Variants in NTN1 observed in about 807,000 individuals in gnomAD.
NTN1 encodes the protein netrin 1, also known as netrin-1.
In NTN1, 11 loss-of-function variants were observed where a neutral mutation model predicts 54.2. The ratio of observed to expected loss-of-function variants is 0.20; its 90% CI spans 0.13 to 0.34. The LOEUF is 0.34. Ranked by LOEUF, NTN1 falls within the 10% of genes least tolerant of loss-of-function variation. The pLI is 1.00. For synonymous variants in NTN1, 371 were observed against 382.0 expected, an observed-to-expected ratio of 0.97 and a Z score of 0.33; for missense variants, 740 against 893.1, an observed-to-expected ratio of 0.83 and a Z score of 2.18.
At chr17:9,085,828 C>T (rs2092088425) in intron 2 of NTN1, among the ~76,000 whole-genome samples, 1 of 152,126 alleles carries the variant, frequency 6.6e-6, no homozygotes, top group Admixed American at 6.5e-5. Context: ...GGGGATTCAG[C>T]AGAGATCAAA....
rs2092278349 is a variant in NTN1 at position 9,135,580 on chromosome 17, G to A, written c.1019-27233G>A. On this transcript the variant is annotated intron_variant, in intron 2 of 6. Coordinates refer to ENST00000173229, the MANE Select transcript of NTN1 (RefSeq NM_004822.3). This position sits in a 1 kb window ranked among gnomAD's most constrained non-coding sequence, Gnocchi z 4.4. ...GATCCACGCTTCTTGGAGCCCATTGGCTTCCCCTTGAATTGTCACGATGGC... is the reference window on the plus strand; with the variant it reads ...GATCCACGCTTCTTGGAGCCCATTGACTTCCCCTTGAATTGTCACGATGGC... Among the ~76,000 whole-genome samples, 1 of 152,222 alleles carries A rather than the reference G, an allele frequency of 6.6e-6. No homozygotes were observed. The highest frequency in any genetic ancestry group is 6.5e-5 in the Admixed American group (1 of 15,288).
intron 6 of NTN1, among the ~76,000 whole-genome samples, chr17:9,224,953 G>T (rs1276289426): frequency 6.6e-6 from 1 of 152,176 alleles, no homozygotes; most frequent in African/African-American, 2.4e-5. Flanking sequence ...CCTGGGGGTG[G>T]TGTGGTGTTT....
intron 2 of NTN1, 110 bp from the exon 3 acceptor site, chr17:9,162,703 C>T (rs1014333158): frequency 9.8e-7 from 1 of 1,020,492 alleles, no homozygotes; most frequent in African/African-American, 1.6e-5. Context: ...CTGCCTGGCT[C>T]TGCTAGTGGA....
At chr17:9,226,706 A>G (rs1412948254) in intron 6 of NTN1, among the ~76,000 whole-genome samples, 1 of 152,036 alleles carries the variant, frequency 6.6e-6, no homozygotes, top group African/African-American at 2.4e-5. Flanking sequence ...ATTTTCAAGC[A>G]TATTCGCGAT....
chr17:9,227,493 G>T (rs1399018729), intron 6 of NTN1, among the ~76,000 whole-genome samples: 1 of 138,966 alleles, frequency 7.2e-6, no homozygotes, highest in Non-Finnish European at 1.6e-5. Flanking sequence ...ACACACACAT[G>T]CACATACACA....
At chr17:9,150,808 A>C (rs1210076741) in intron 2 of NTN1, among the ~76,000 whole-genome samples, 4 of 151,322 alleles carry the variant, frequency 2.6e-5, no homozygotes, top group Non-Finnish European at 5.9e-5. Flanking sequence ...AAGTCAGTGG[A>C]AAAAATGACG....
chr17:9,119,654 ACACC>A (rs1268017291), intron 2 of NTN1, among the ~76,000 whole-genome samples: 1 of 151,650 alleles, frequency 6.6e-6, no homozygotes, highest in Non-Finnish European at 1.5e-5. Flanking sequence ...ATGCTACACC[ACACC>A]TGGCTAGGTT....
chr17:9,191,235 C>T (rs955816297), intron 5 of NTN1, among the ~76,000 whole-genome samples: 2 of 152,014 alleles, frequency 1.3e-5, no homozygotes, highest in East Asian at 1.9e-4. Flanking sequence ...CCGAGGCAGG[C>T]GGATCATCTG....
At chr17:9,010,464 T>G in the NTN1 span, among the ~76,000 whole-genome samples, 5 of 152,188 alleles carry the variant, frequency 3.3e-5, no homozygotes, top group Non-Finnish European at 5.9e-5. Flanking sequence ...TGAGATGTGG[T>G]CACTTCCCGT....
At chr17:9,147,827 T>C (rs537807909) in intron 2 of NTN1, among the ~76,000 whole-genome samples, 11 of 152,360 alleles carry the variant, frequency 7.2e-5, no homozygotes, top group Admixed American at 7.2e-4. Context: ...ATAGACACTT[T>C]ACTGAGCTCT....
chr17:9,178,386 A>T (rs1333497237), intron 3 of NTN1, among the ~76,000 whole-genome samples: 1 of 152,184 alleles, frequency 6.6e-6, no homozygotes, highest in Non-Finnish European at 1.5e-5. Context: ...TGATTCCAGG[A>T]GGTTTTGCAT....
chr17:9,166,132 C>T (rs1260548337), intron 3 of NTN1, among the ~76,000 whole-genome samples: 2 of 149,616 alleles, frequency 1.3e-5, no homozygotes, highest in East Asian at 4.0e-4. Context: ...AAACAGGGGT[C>T]TCCTGGTCAA....
chr17:9,132,246 G>A (rs2092268025), intron 2 of NTN1, among the ~76,000 whole-genome samples: 1 of 152,036 alleles, frequency 6.6e-6, no homozygotes, highest in Admixed American at 6.6e-5. Context: ...CTGTCACTCT[G>A]TCCACTAACA....
At chr17:9,201,541 T>C (rs1411577962) in intron 5 of NTN1, among the ~76,000 whole-genome samples, 1 of 152,198 alleles carries the variant, frequency 6.6e-6, no homozygotes, top group African/African-American at 2.4e-5. Context: ...CTGGTGCATG[T>C]TGGCTTCCAG....
At chr17:9,178,025 T>C (rs146821211) in intron 3 of NTN1, among the ~76,000 whole-genome samples, 1 of 152,194 alleles carries the variant, frequency 6.6e-6, no homozygotes, top group East Asian at 1.9e-4. Flanking sequence ...TAAAACCCCA[T>C]CTCTACTAAA....
At chr17:9,045,800 T>A (rs1489474335) in intron 2 of NTN1, among the ~76,000 whole-genome samples, 1 of 151,818 alleles carries the variant, frequency 6.6e-6, no homozygotes, top group East Asian at 1.9e-4. Flanking sequence ...TAAACAAATA[T>A]CTGGAAAGAT....
intron 2 of NTN1, among the ~76,000 whole-genome samples, chr17:9,042,605 G>A (rs1486951990): frequency 1.3e-5 from 2 of 151,914 alleles, no homozygotes; most frequent in Non-Finnish European, 2.9e-5. Flanking sequence ...TGACCAACAT[G>A]GTGAAACCCC....
At chr17:9,198,245 G>A (rs557464410) in intron 5 of NTN1, among the ~76,000 whole-genome samples, 194 of 152,342 alleles carry the variant, frequency 1.3e-3, no homozygotes, top group African/African-American at 4.5e-3. Context: ...GATCACGCGG[G>A]AGCTTGGGAA....
intron 2 of NTN1, among the ~76,000 whole-genome samples, chr17:9,033,990 G>T (rs2091895701): frequency 6.6e-6 from 1 of 151,928 alleles, no homozygotes; most frequent in Non-Finnish European, 1.5e-5. Flanking sequence ...AGATCAGAGA[G>T]CACAACATTC....
Sources: allele counts gnomAD v4.1 joint callset (sites outside exome capture counted in the v4.1 genomes callset), GRCh38; gene constraint gnomAD v4.1.1; non-coding constraint Gnocchi (gnomAD v3.1); transcripts MANE v1.5; gene names NCBI Gene and HGNC (gene_info 2026-07-23, HGNC 2026-07-21).